The following DECR1 variants were observed in gnomAD, a reference collection of about 807,000 sequenced individuals.
DECR1 encodes 2,4-dienoyl-CoA reductase [(3E)-enoyl-CoA-producing], mitochondrial.
DECR1 carries 44 observed loss-of-function variants against 38.8 expected under a neutral mutation model. The ratio of observed to expected loss-of-function variants is 1.13; its 90% CI spans 0.89 to 1.46. The LOEUF is 1.46. Among genes scored for constraint, DECR1 ranks in the 40% most tolerant of loss-of-function variants. The probability of loss-of-function intolerance (pLI) is 0.00; values close to 1 mark genes in which losing one functional copy is unlikely to be tolerated. For missense variants in DECR1, 428 were observed against 405.5 expected, an observed-to-expected ratio of 1.06 and a Z score of -0.48; for synonymous variants, 148 against 135.2, an observed-to-expected ratio of 1.09 and a Z score of -0.66.
intron 5 of DECR1, among the ~76,000 whole-genome samples, chr8:90,035,322 C>T (rs978259623): frequency 2.0e-5 from 3 of 151,486 alleles, no homozygotes; most frequent in Non-Finnish European, 4.4e-5. Context: ...TCTAACTATA[C>T]GTTTGTTAGA....
intron 1 of DECR1, among the ~76,000 whole-genome samples, chr8:90,002,907 A>AT (rs1006623531): frequency 3.9e-5 from 6 of 152,178 alleles, no homozygotes; most frequent in Non-Finnish European, 8.8e-5. Context: ...CAGAGATTTC[A>AT]TTTTTTAACA....
intron 5 of DECR1, among the ~76,000 whole-genome samples, chr8:90,026,865 A>G (rs1813359325): frequency 6.6e-6 from 1 of 152,168 alleles, no homozygotes; most frequent in African/African-American, 2.4e-5. Context: ...ATTTAGTGCT[A>G]TAAATTTCCC....
At chr8:90,044,016 C>T (rs1178401196) in intron 7 of DECR1, among the ~76,000 whole-genome samples, 1 of 152,162 alleles carries the variant, frequency 6.6e-6, no homozygotes, top group East Asian at 1.9e-4. Flanking sequence ...AAGGAGTTTA[C>T]AGTCTAGCCA....
intron 5 of DECR1, among the ~76,000 whole-genome samples, chr8:90,032,589 G>A (rs1813523789): frequency 6.6e-6 from 1 of 152,122 alleles, no homozygotes. Context: ...TTTAAGTGGG[G>A]CCATTCTGCC....
intron 5 of DECR1, among the ~76,000 whole-genome samples, chr8:90,031,728 T>C (rs1437006305): frequency 6.6e-6 from 1 of 152,114 alleles, no homozygotes; most frequent in Non-Finnish European, 1.5e-5. Context: ...GTAAGATTAA[T>C]TGCTAGCAAT....
chr8:90,001,656 A>T (rs1435939426), intron 1 of DECR1, 95 bp downstream of exon 1: 1 of 1,133,656 alleles, frequency 8.8e-7, no homozygotes, highest in African/African-American at 1.8e-5. Context: ...AGCGAGGACA[A>T]GGCATCCTGG....
In DECR1 at chr8:90,036,952, C is replaced by G. The variant is rs374271224; in HGVS notation, c.665+12C>G. On this transcript the variant is annotated intron_variant, in intron 6 of 9. Transcript: ENST00000220764. ...GAAGCCATGAGCAAGTAAGTACTTCCTTGTCAATCCTGTTGCTGAACATAA... is the reference window on the plus strand; with the variant it reads ...GAAGCCATGAGCAAGTAAGTACTTCGTTGTCAATCCTGTTGCTGAACATAA... The G allele has an allele frequency of 1.8e-5, 28 of 1,580,948 alleles. No homozygotes were observed. Among genetic ancestry groups the G allele is most frequent in the Non-Finnish European group, 2.3e-5 (26 of 1,151,316 alleles).
chr8:90,035,735 T>A (rs1813604263), intron 5 of DECR1, among the ~76,000 whole-genome samples: 1 of 152,258 alleles, frequency 6.6e-6, no homozygotes, highest in South Asian at 2.1e-4. Context: ...ATGCTGTGAA[T>A]GTTATGTTGT....
intron 5 of DECR1, among the ~76,000 whole-genome samples, chr8:90,024,900 G>A (rs1458981331): frequency 6.6e-6 from 1 of 152,128 alleles, no homozygotes; most frequent in Non-Finnish European, 1.5e-5. Context: ...TTTTGTATAA[G>A]GAGTAAAAGG....
chr8:90,042,791 A>G lies in DECR1; in HGVS notation c.729A>G (p.Ile243Met). The G allele has an allele frequency of 6.2e-7, 1 of 1,613,196 alleles. No individual in the cohort carries two copies. The highest frequency in any genetic ancestry group is 8.5e-7 in the Non-Finnish European group (1 of 1,179,258). The change falls in exon 7 of 10, where the codon ATA (isoleucine) becomes ATG (methionine). Residue 243 changes from isoleucine (I) to methionine (M), a missense_variant. Coordinates refer to ENST00000220764, the MANE Select transcript of DECR1 (RefSeq NM_001359.2). ...TCAATGTGATTCAACCAGGGCCTAT[A>G]AAAACCAAAGTAAGTTGTATTTTGC... ...MRFNVIQPGPIKTKGAFSRLD... is the reference protein window; with the variant it reads ...MRFNVIQPGPMKTKGAFSRLD...
chr8:90,006,550 C>G (rs957913271), intron 1 of DECR1, among the ~76,000 whole-genome samples: 1 of 152,156 alleles, frequency 6.6e-6, no homozygotes, highest in African/African-American at 2.4e-5. Flanking sequence ...GAGTAATCCT[C>G]TCATCTGTTG....
chr8:90,036,756 A>G, intron 5 of DECR1, 85 bp from the exon 6 acceptor site: 1 of 872,930 alleles, frequency 1.1e-6, no homozygotes, highest in Non-Finnish European at 1.8e-6. Flanking sequence ...CTCTTTAATC[A>G]GATCCCATTT....
At chr8:90,001,763 C>T (rs1440095918) in intron 1 of DECR1, among the ~76,000 whole-genome samples, 1 of 148,136 alleles carries the variant, frequency 6.8e-6, no homozygotes, top group Non-Finnish European at 1.5e-5. Flanking sequence ...GTCCCGGGGC[C>T]TCGGGGAGCG....
At chr8:90,031,473 G>T (rs186575328) in intron 5 of DECR1, among the ~76,000 whole-genome samples, 1 of 152,026 alleles carries the variant, frequency 6.6e-6, no homozygotes, top group Non-Finnish European at 1.5e-5. Context: ...AAAAATAGCA[G>T]CCTACATGAG....
At chr8:90,022,690 TG>T (rs980254417) in intron 5 of DECR1, among the ~76,000 whole-genome samples, 16 of 152,186 alleles carry the variant, frequency 1.1e-4, no homozygotes, top group African/African-American at 3.9e-4. Context: ...TCTACTGCTC[TG>T]CCTCTGTCAG....
chr8:90,011,110 C>T (rs1386578129), intron 1 of DECR1, among the ~76,000 whole-genome samples: 2 of 152,154 alleles, frequency 1.3e-5, no homozygotes, highest in Admixed American at 6.5e-5. Flanking sequence ...AAGATATCCT[C>T]ATTTTAAAAA....
intron 8 of DECR1, among the ~76,000 whole-genome samples, chr8:90,048,384 C>A (rs200924273): frequency 6.6e-6 from 1 of 152,000 alleles, no homozygotes; most frequent in Non-Finnish European, 1.5e-5. Context: ...GATACAAACT[C>A]CCATCAGAGA....
intron 5 of DECR1, among the ~76,000 whole-genome samples, chr8:90,027,805 G>A (rs1813391655): frequency 6.6e-6 from 1 of 151,774 alleles, no homozygotes; most frequent in East Asian, 1.9e-4. Flanking sequence ...TATTGAATTT[G>A]TTAATATAAG....
chr8:90,038,196 C>T (rs935695125), intron 6 of DECR1, among the ~76,000 whole-genome samples: 3 of 152,096 alleles, frequency 2.0e-5, no homozygotes, highest in Admixed American at 2.0e-4. Context: ...GCTTTAATTT[C>T]CATTGAACTG....
Sources: gnomAD v4.1 joint callset for allele counts (sites outside exome capture counted in the v4.1 genomes callset) on GRCh38, gnomAD v4.1.1 for gene constraint, MANE v1.5 for transcripts, NCBI Gene and HGNC (gene_info 2026-07-23, HGNC 2026-07-21) for gene names.